Variants in ZBTB45 observed in about 807,000 individuals in gnomAD.
ZBTB45 encodes zinc finger and BTB domain containing 45.
A neutral mutation model predicts 28.4 loss-of-function variants in ZBTB45; 22 were observed. The ratio of observed to expected loss-of-function variants is 0.77; its 90% confidence interval spans 0.55 to 1.10. ZBTB45 has a LOEUF of 1.10. Ranked by LOEUF, ZBTB45 falls within the 50% of genes least tolerant of loss-of-function variation. ZBTB45 has a pLI of 0.00. For missense variants in ZBTB45, 656 were observed against 750.2 expected, an observed-to-expected ratio of 0.87 and a Z score of 1.47; for synonymous variants, 361 against 332.3, an observed-to-expected ratio of 1.09 and a Z score of -0.94.
chr19:58,533,393 G>A (rs73066248), intron 1 of ZBTB45, among the ~76,000 whole-genome samples: 2 of 152,128 alleles, frequency 1.3e-5, no homozygotes, highest in African/African-American at 4.8e-5. Flanking sequence ...TCAGTCCACA[G>A]CAACGATGCA....
Position 58,513,963 on chromosome 19 carries a change from T to C in ZBTB45, c.*91A>G, listed in dbSNP as rs1024960534. ...CCTGCGCTCAGGAGGGAGCGTGGTC[T>C]AGTGGCGGGAACCACGGGTCCCGCA... On this transcript the variant is annotated 3_prime_UTR_variant, in exon 3 of 3. Coordinates refer to ENST00000594051, the MANE Select transcript of ZBTB45 (RefSeq NM_001316979.2). The C allele has an allele frequency of 8.3e-6, 11 of 1,326,590 alleles. No individual in the cohort carries two copies. The African/African-American group carries it at 1.7e-4, about 21-fold the overall frequency. 82.2% of individuals were successfully genotyped at this position (1,326,590 alleles called of 1,614,324 possible).
chr19:58,516,536 G>A lies in ZBTB45; in HGVS notation c.1138C>T (p.Pro380Ser). The change falls in exon 2 of 3, where the codon CCC (proline) becomes TCC (serine). Residue 380 changes from proline to serine, a missense_variant. Transcript: ENST00000594051. This position sits in a 1 kb window ranked among gnomAD's most constrained non-coding sequence, Gnocchi z 6.2. ...PSTQLGEVPA[P>S]SAAPTTAPSG... ...GGGGCCGTGGTGGGAGCAGCAGAGG[G>A]AGCCGGGACCTCCCCCAGCTGAGTA... The A allele has an allele frequency of 6.2e-7, 1 of 1,610,846 alleles. No individual in the cohort carries two copies. The highest frequency in any genetic ancestry group is 2.2e-5 in the East Asian group (1 of 44,828).
intron 1 of ZBTB45, among the ~76,000 whole-genome samples, chr19:58,525,970 G>A (rs2053604822): frequency 6.6e-6 from 1 of 152,184 alleles, no homozygotes; most frequent in Admixed American, 6.5e-5. Context: ...GCTCACGCCT[G>A]TAATCCCAGC....
At chr19:58,538,246 G>C (rs2122603859) in intron 1 of ZBTB45, among the ~76,000 whole-genome samples, 1 of 150,134 alleles carries the variant, frequency 6.7e-6, no homozygotes, top group South Asian at 2.1e-4. Context: ...ACAGGGCCTC[G>C]CTCTGCAGTC....
intron 1 of ZBTB45, among the ~76,000 whole-genome samples, chr19:58,527,442 C>T (rs1202542923): frequency 6.6e-6 from 1 of 152,202 alleles, no homozygotes; most frequent in Admixed American, 6.5e-5. Flanking sequence ...CCCCTGTCCC[C>T]ATGAATCTGT....
In ZBTB45 at chr19:58,514,312, T is replaced by C. The variant is rs749737692; in HGVS notation, c.1280-2A>G. 7 of 1,598,096 alleles carry C rather than the reference T, an allele frequency of 4.4e-6. No homozygotes were observed. In the African/African-American group the frequency reaches 8.1e-5, roughly 18 times the overall value. ...CGGCGCACTGGTGCGGCTTCTCCCC[T>C]GCGGAAGACAGGGCGGGCCGCGAAC... On this transcript the variant is annotated splice_acceptor_variant, in intron 2 of 2. Transcript: ENST00000594051. LOFTEE classifies it high-confidence loss of function.
At chr19:58,520,854 C>A (rs1289883266), upstream of ZBTB45, among the ~76,000 whole-genome samples, 2 of 151,068 alleles carry the variant, frequency 1.3e-5, no homozygotes, top group African/African-American at 4.9e-5. Flanking sequence ...AGATCGAGAC[C>A]ATCCTGACTA....
chr19:58,525,733 C>T (rs900064936), intron 1 of ZBTB45, among the ~76,000 whole-genome samples: 3 of 152,056 alleles, frequency 2.0e-5, no homozygotes, highest in African/African-American at 4.8e-5. Context: ...AATTTACAAC[C>T]GAGAAAAGAT....
Position 58,514,327 on chromosome 19 carries a change from G to C in ZBTB45, c.1280-17C>G. The C allele has an allele frequency of 1.3e-6, 2 of 1,585,220 alleles. No homozygotes were observed. The highest frequency in any genetic ancestry group is 1.7e-6 in the Non-Finnish European group (2 of 1,161,294). ...GCTTCTCCCCTGCGGAAGACAGGGC[G>C]GGCCGCGAACGCAAGTCAGACTCTA... is the stretch of plus-strand genomic sequence containing the variant. On this transcript the variant is annotated splice_polypyrimidine_tract_variant and intron_variant, in intron 2 of 2. Coordinates refer to ENST00000594051, the MANE Select transcript of ZBTB45 (RefSeq NM_001316979.2).
upstream of ZBTB45, among the ~76,000 whole-genome samples, chr19:58,522,819 C>T (rs2053585682): frequency 6.6e-6 from 1 of 152,084 alleles, no homozygotes; most frequent in African/African-American, 2.4e-5. Flanking sequence ...ACGGCCCTCC[C>T]TTGGGCAAGA....
chr19:58,530,268 T>C (rs923278160), intron 1 of ZBTB45, among the ~76,000 whole-genome samples: 3 of 152,014 alleles, frequency 2.0e-5, no homozygotes, highest in Non-Finnish European at 4.4e-5. Context: ...CATTTATTTA[T>C]CCATTAATTA....
rs554353989 is a variant in ZBTB45, at chr19:58,528,375, G to A, written c.-1+10326C>T. On this transcript the variant is annotated intron_variant, in intron 1 of 1. Transcript: ENST00000600130. ...GGGTTCAAACCGATACTAGAGCCTT[G>A]CAGCTTGAACCCAGGAGGCAGAGGT... Among the ~76,000 whole-genome samples the A allele has an allele frequency of 9.2e-5, 14 of 151,954 alleles. No individual in the cohort carries two copies. The South Asian group carries it at 1.7e-3, about 18-fold the overall frequency.
At position 58,513,919 on chromosome 19, in the gene ZBTB45, G is replaced by A. The variant is rs1034223333; in HGVS notation, c.*135C>T. On this transcript the variant is annotated 3_prime_UTR_variant, in exon 3 of 3. Coordinates refer to ENST00000594051, the MANE Select transcript of ZBTB45 (RefSeq NM_001316979.2). ...GACTTAGGCCCTGGTATGGAGAAAGGGTGAAGGGAGAGAGAGGACCTGCGC... is the reference window on the plus strand; with the variant it reads ...GACTTAGGCCCTGGTATGGAGAAAGAGTGAAGGGAGAGAGAGGACCTGCGC... 57 of 1,105,444 alleles carry A rather than the reference G, an allele frequency of 5.2e-5. No homozygotes were observed. Among genetic ancestry groups the A allele is most frequent in the Admixed American group, 1.6e-4 (4 of 24,920 alleles). The allele number at this position is 1,105,444 out of a possible 1,614,324, so 68.5% of individuals were successfully genotyped here. A position where few individuals can be genotyped will look rare whatever the true frequency, so the allele number is the denominator to read the frequency against.
Position 58,516,449 on chromosome 19 carries a change from G to T in ZBTB45, c.1225C>A (p.Arg409Ser). The change falls in exon 2 of 3, where the codon CGC becomes AGC. Residue 409 changes from arginine (R) to serine (S), a missense_variant. By Grantham distance (110) the Arg-to-Ser change is moderately radical (BLOSUM62 -1). Coordinates refer to ENST00000594051, the MANE Select transcript of ZBTB45 (RefSeq NM_001316979.2). This position sits in a 1 kb window ranked among gnomAD's most constrained non-coding sequence, Gnocchi z 6.2. ...EPPTYECSHC[R>S]KTFSSRKNYT... is the part of the protein sequence containing the mutation. ...TTTTTCCGGGAGCTGAACGTCTTGC[G>T]ACAGTGGCTGCACTCATACGTAGGT... is the stretch of plus-strand genomic sequence containing the variant. 1.2e-6 allele frequency: 2 copies of T among 1,614,006 alleles called. No homozygotes were observed. The highest frequency in any genetic ancestry group is 1.7e-6 in the Non-Finnish European group (2 of 1,179,892).
chr19:58,521,212 A>G (rs2122577276), upstream of ZBTB45, among the ~76,000 whole-genome samples: 1 of 146,582 alleles, frequency 6.8e-6, no homozygotes, highest in South Asian at 2.2e-4. Context: ...AAAATACAAA[A>G]AAAAATTAGC....
At chr19:58,522,538 G>C (rs1404070098), upstream of ZBTB45, among the ~76,000 whole-genome samples, 1 of 152,004 alleles carries the variant, frequency 6.6e-6, no homozygotes, top group Non-Finnish European at 1.5e-5. Context: ...GGGAGGCGGA[G>C]GCAGGAGAAT....
chr19:58,514,365 C>T, intron 2 of ZBTB45, 55 bp from the exon 3 acceptor site: 2 of 1,323,130 alleles, frequency 1.5e-6, no homozygotes, highest in East Asian at 5.9e-5. Context: ...GCTCCCCGCC[C>T]CCACCCCACC....
chr19:58,516,962 G>C lies in ZBTB45; in HGVS notation c.712C>G (p.Pro238Ala), dbSNP rs761924528. ...GTGAGGAAGCCAGCAGCACAGTCTG[G>C]GAAGGAAGGAGGTGCCTGGCCCTCG... ...PGEGQAPPSF[P>A]DCAAGFLTAA... is the part of the protein sequence containing the mutation. Residue 238 changes from proline (P) to alanine (A), a missense_variant, in exon 2 of 3, where the codon CCA becomes GCA. Pro to Ala is a conservative substitution (Grantham distance 27). Around this residue, in one of 3 missense-constraint regions of ZBTB45, gnomAD observed 448 missense variants for 444.3 expected, o/e 1.01. Transcript: ENST00000594051. The surrounding 1 kb of genome is among the most constrained non-coding windows in gnomAD (Gnocchi z 6.2). 3 of 1,613,284 alleles carry C rather than the reference G, an allele frequency of 1.9e-6. No individual in the cohort carries two copies. The highest frequency in any genetic ancestry group is 2.5e-6 in the Non-Finnish European group (3 of 1,180,016).
intron 1 of ZBTB45, among the ~76,000 whole-genome samples, chr19:58,529,084 C>CAAAA (rs1231496438): frequency 4.9e-5 from 3 of 61,444 alleles, no homozygotes; most frequent in African/African-American, 1.9e-4. Context: ...AACTCCATCT[C>CAAAA]AAAAAAAAAA....
Sources: allele counts gnomAD v4.1 joint callset (sites outside exome capture counted in the v4.1 genomes callset), GRCh38; gene constraint gnomAD v4.1.1; regional missense constraint gnomAD v4.1.1; non-coding constraint Gnocchi (gnomAD v3.1); transcripts MANE v1.5; gene names NCBI Gene and HGNC (gene_info 2026-07-23, HGNC 2026-07-21).